The following PACRG variants were observed in gnomAD, a reference collection of about 807,000 sequenced individuals.
PACRG encodes the protein parkin coregulated, also known as parkin coregulated gene protein.
In PACRG, 29 loss-of-function variants were observed where a neutral mutation model predicts 29.7. The ratio of observed to expected loss-of-function variants is 0.98; its 90% CI spans 0.73 to 1.33. PACRG has a LOEUF of 1.33. PACRG is among the 40% of genes most tolerant of loss of function. The pLI is 0.00. For synonymous variants in PACRG, 116 were observed against 118.7 expected (o/e 0.98, Z 0.15); for missense variants, 279 against 316.2 (o/e 0.88, Z 0.89).
At position 163,300,998 on chromosome 6, in the gene PACRG, C is replaced by T. The variant is rs4709693; in HGVS notation, c.614-13829C>T. Reference sequence around the variant, plus strand: ...CCCGTGAGTTTAGTAGGGCCACGTCCGCTGCTTCCCGTGAGTTTAGTAGGG... The same window carrying T: ...CCCGTGAGTTTAGTAGGGCCACGTCTGCTGCTTCCCGTGAGTTTAGTAGGG... On this transcript the variant is annotated intron_variant, in intron 4 of 4. Transcript: ENST00000366888. 1.3e-3 allele frequency among the ~76,000 whole-genome samples: 98 copies of T among 75,074 alleles called. 8 individuals carry two copies. In the East Asian group the frequency reaches 0.046, roughly 35 times the overall value. 49.3% of individuals were successfully genotyped at this position (75,074 alleles called of 152,430 possible).
chr6:163,059,760 C>T (rs991640312), intron 2 of PACRG, among the ~76,000 whole-genome samples: 8 of 152,152 alleles, frequency 5.3e-5, no homozygotes, highest in African/African-American at 1.9e-4. Context: ...CTACTTCTTC[C>T]AGTCGCTTGA....
chr6:163,214,669 A>T (rs1456528531), intron 4 of PACRG, among the ~76,000 whole-genome samples: 1 of 152,074 alleles, frequency 6.6e-6, no homozygotes, highest in Non-Finnish European at 1.5e-5. Flanking sequence ...TTATTTATAT[A>T]TAGTGCAGCT....
chr6:162,733,652 C>G (rs958310419), intron 1 of PACRG, among the ~76,000 whole-genome samples: 1 of 152,248 alleles, frequency 6.6e-6, no homozygotes, highest in African/African-American at 2.4e-5. Flanking sequence ...GTGTGATCTG[C>G]CCACCCTTGC....
chr6:163,021,689 C>T (rs973752582), intron 2 of PACRG, among the ~76,000 whole-genome samples: 1 of 152,190 alleles, frequency 6.6e-6, no homozygotes, highest in African/African-American at 2.4e-5. Context: ...TGAAGTCCAG[C>T]CTCATCTCTC....
chr6:163,043,485 G>A (rs1309718678), intron 2 of PACRG, among the ~76,000 whole-genome samples: 1 of 152,100 alleles, frequency 6.6e-6, no homozygotes, highest in African/African-American at 2.4e-5. Flanking sequence ...CCAGGAGGCG[G>A]AGCTTGCAGT....
intron 4 of PACRG, among the ~76,000 whole-genome samples, chr6:163,103,776 C>T (rs997137413): frequency 1.3e-5 from 2 of 152,200 alleles, no homozygotes; most frequent in Non-Finnish European, 1.5e-5. Context: ...ACAAAATTAA[C>T]TGCCAACATT....
chr6:163,051,432 C>G (rs1332055195), intron 2 of PACRG: 1 of 152,042 alleles, frequency 6.6e-6, no homozygotes, highest in African/African-American at 2.4e-5. Context: ...TTTGCTTTGG[C>G]CCGGGCCCCA....
At chr6:162,732,632 T>C (rs1038092944) in intron 1 of PACRG, among the ~76,000 whole-genome samples, 1 of 152,202 alleles carries the variant, frequency 6.6e-6, no homozygotes, top group African/African-American at 2.4e-5. Flanking sequence ...AATAAACAGA[T>C]GTCTCTGGCA....
In PACRG at chr6:163,055,066, T is replaced by C. The variant is rs960640953; in HGVS notation, c.292-7084T>C. Among the ~76,000 whole-genome samples, 11 of 151,974 alleles carry C rather than the reference T, an allele frequency of 7.2e-5. No homozygotes were observed. The highest frequency in any genetic ancestry group is 3.3e-4 in the Admixed American group (5 of 15,260). On this transcript the variant is annotated intron_variant, in intron 2 of 4. Coordinates refer to ENST00000366888, the MANE Select transcript of PACRG (RefSeq NM_001080379.2). The surrounding 1 kb of genome is among the most constrained non-coding windows in gnomAD (Gnocchi z 4.0). Reference sequence around the variant, plus strand: ...CAAAGAAAGTCACTGGTGACCTTGATAAAAGCAACTTCAGTGAAATGGTGA... The same window carrying C: ...CAAAGAAAGTCACTGGTGACCTTGACAAAAGCAACTTCAGTGAAATGGTGA...
chr6:163,289,881 C>A lies in PACRG; in HGVS notation c.614-24946C>A, dbSNP rs1037748347. ...TTTTATTTTGAGGTGGAGTTTCACT[C>A]TTGTTGCCCAGGCTGGAGTGCAGTG... On this transcript the variant is annotated intron_variant, in intron 4 of 4. Coordinates refer to ENST00000366888, the MANE Select transcript of PACRG (RefSeq NM_001080379.2). Among the ~76,000 whole-genome samples the A allele has an allele frequency of 4.0e-5, 6 of 151,570 alleles. No individual in the cohort carries two copies. In the East Asian group the frequency reaches 1.2e-3, roughly 29 times the overall value.
intron 1 of PACRG, among the ~76,000 whole-genome samples, chr6:162,737,155 C>T (rs1284684715): frequency 6.6e-6 from 1 of 152,150 alleles, no homozygotes; most frequent in African/African-American, 2.4e-5. Context: ...ATTCTAGCTC[C>T]TCCTGTGGCC....
At chr6:163,176,419 C>T (rs1585298586) in intron 4 of PACRG, among the ~76,000 whole-genome samples, 1 of 152,208 alleles carries the variant, frequency 6.6e-6, no homozygotes, top group South Asian at 2.1e-4. Context: ...GGAAAATGCT[C>T]ACCACACAGG....
chr6:162,884,139 C>T (rs907967143), intron 2 of PACRG, among the ~76,000 whole-genome samples: 3 of 152,092 alleles, frequency 2.0e-5, no homozygotes, highest in Non-Finnish European at 4.4e-5. Flanking sequence ...GGTGTTTCAC[C>T]ACGTTGCCCA....
intron 1 of PACRG, among the ~76,000 whole-genome samples, chr6:162,788,050 T>C (rs1784650163): frequency 6.6e-6 from 1 of 152,114 alleles, no homozygotes; most frequent in Non-Finnish European, 1.5e-5. Flanking sequence ...GTTCATAGTT[T>C]ACATTGGGTC....
In PACRG at chr6:163,269,871, A is replaced by AAG. The variant is rs1459714206; in HGVS notation, c.614-44954_614-44953dup. On this transcript the variant is annotated intron_variant, in intron 4 of 4. Transcript: ENST00000366888. ...AAAGAAAGAAAGAGAAAGAAAGAGA[A>AAG]AGAAAGAAAGAAAGAAAGAAAACAA... 1.2e-3 allele frequency among the ~76,000 whole-genome samples: 67 copies of AAG among 55,754 alleles called. 9 individuals carry two copies. The highest frequency in any genetic ancestry group is 6.4e-3 in the African/African-American group (64 of 9,978). The allele number at this position is 55,754 out of a possible 152,430, so 36.6% of individuals were successfully genotyped here.
intron 2 of PACRG, among the ~76,000 whole-genome samples, chr6:163,048,152 T>A (rs1159448371): frequency 6.6e-6 from 1 of 152,174 alleles, no homozygotes; most frequent in Non-Finnish European, 1.5e-5. Context: ...GTTCTTTTTT[T>A]TCCCTTCCAA....
intron 4 of PACRG, among the ~76,000 whole-genome samples, chr6:163,213,708 A>C (rs924098829): frequency 6.6e-6 from 1 of 151,918 alleles, no homozygotes; most frequent in Non-Finnish European, 1.5e-5. Flanking sequence ...GTTATTTGTA[A>C]ATTAAGGAAA....
intron 4 of PACRG, 130 bp from the exon 5 acceptor site, chr6:163,314,697 C>T: frequency 9.5e-7 from 1 of 1,054,174 alleles, no homozygotes; most frequent in Non-Finnish European, 1.3e-6. Flanking sequence ...TAAAACTCCG[C>T]AAGATCGTGT....
chr6:162,789,861 A>G (rs1347079586), intron 1 of PACRG, among the ~76,000 whole-genome samples: 1 of 152,212 alleles, frequency 6.6e-6, no homozygotes, highest in Non-Finnish European at 1.5e-5. Flanking sequence ...TAAAAATATC[A>G]AAGTATTGTA....
Sources: allele counts gnomAD v4.1 joint callset (sites outside exome capture counted in the v4.1 genomes callset), GRCh38; gene constraint gnomAD v4.1.1; non-coding constraint Gnocchi (gnomAD v3.1); transcripts MANE v1.5; gene names NCBI Gene and HGNC (gene_info 2026-07-23, HGNC 2026-07-21).